Variants in PLB1 observed in about 807,000 individuals in gnomAD.
PLB1 encodes the protein phospholipase B1.
PLB1 carries 242 observed loss-of-function variants against 227.4 expected under a neutral mutation model. The ratio of observed to expected loss-of-function variants is 1.06; its 90% CI spans 0.96 to 1.18. The LOEUF (loss-of-function observed/expected upper bound fraction) is 1.18, where lower values mean the gene tolerates loss of function less well. Among genes scored for constraint, PLB1 ranks in the 50% most tolerant of loss-of-function variants. The pLI, the probability that PLB1 is intolerant of heterozygous loss-of-function variation, is 0.00. For missense variants in PLB1, 1,858 were observed against 1,816.3 expected (o/e 1.02, Z -0.42); for synonymous variants, 757 against 682.2 (o/e 1.11, Z -1.71).
At chr2:28,607,651 G>T (rs571108346) in intron 43 of PLB1, among the ~76,000 whole-genome samples, 1 of 152,278 alleles carries the variant, frequency 6.6e-6, no homozygotes, top group South Asian at 2.1e-4. Flanking sequence ...CTGGCCAAAG[G>T]CCTGGAGCAA....
chr2:28,545,833 C>T (rs377173702), intron 14 of PLB1, among the ~76,000 whole-genome samples: 1 of 152,208 alleles, frequency 6.6e-6, no homozygotes, highest in East Asian at 1.9e-4. Flanking sequence ...TGAGGGCTGC[C>T]CTCTGTGTGG....
In PLB1 at chr2:28,591,755, C is replaced by T; in HGVS notation, c.2183C>T (p.Thr728Ile). The T allele has an allele frequency of 6.2e-7, 1 of 1,613,866 alleles. No individual in the cohort carries two copies. The highest frequency in any genetic ancestry group is 2.2e-5 in the East Asian group (1 of 44,878). Residue 728 changes from threonine (T) to isoleucine (I), a missense_variant, in exon 31 of 58, where the codon ACC (threonine) becomes ATC (isoleucine). Thr to Ile is a moderately conservative substitution (Grantham distance 89, BLOSUM62 -1). Transcript: ENST00000327757. ...RDRAPSALHP[T>I]SVHALRPADI... ...AGAGCCCCTTCTGCCTTGCACCCTA[C>T]CTCAGGTAAGCCCCCTATGGCACAG...
chr2:28,626,348 G>A lies in PLB1; in HGVS notation c.3580-80G>A, dbSNP rs1687768428. ...ATAAATAAGACAAAAGGCACTTGGA[G>A]GGCGGGCGGGCTGGCCCAGTAGCAA... is the stretch of plus-strand genomic sequence containing the variant. On this transcript the variant is annotated intron_variant, in intron 50 of 57. Coordinates refer to ENST00000327757, the MANE Select transcript of PLB1 (RefSeq NM_153021.5). 6.7e-6 allele frequency: 8 copies of A among 1,188,584 alleles called. No individual in the cohort carries two copies. In the Admixed American group the frequency reaches 1.0e-4, roughly 15 times the overall value. The allele number at this position is 1,188,584 out of a possible 1,614,324, so 73.6% of individuals were successfully genotyped here. A position where few individuals can be genotyped will look rare whatever the true frequency, so the allele number is the denominator to read the frequency against.
chr2:28,518,664 C>T, intron 3 of PLB1, 132 bp downstream of exon 3: 1 of 637,680 alleles, frequency 1.6e-6, no homozygotes, highest in Middle Eastern at 2.6e-4. Context: ...CTCAGTCCCT[C>T]AGTGTGACAG....
At position 28,602,802 on chromosome 2, in the gene PLB1, T is replaced by C. The variant is rs749275998; in HGVS notation, c.2674-19T>C. ...AGAAGTGCCTGGAGCCCCCCTCTCA[T>C]CTGCAGCTTTTCCCTTAGGTGCCCA... On this transcript the variant is annotated intron_variant, in intron 38 of 57. Transcript: ENST00000327757. 10 of 1,609,398 alleles carry C rather than the reference T, an allele frequency of 6.2e-6. No homozygotes were observed. The highest frequency in any genetic ancestry group is 2.2e-5 in the East Asian group (1 of 44,866).
At chr2:28,500,551 A>G (rs750985590) in intron 1 of PLB1, among the ~76,000 whole-genome samples, 27 of 151,972 alleles carry the variant, frequency 1.8e-4, no homozygotes, top group Non-Finnish European at 2.9e-4. Flanking sequence ...TCCTTCTGCT[A>G]TTGTCAGTTG....
chr2:28,617,857 C>A, intron 45 of PLB1, 70 bp downstream of exon 45: 1 of 1,429,178 alleles, frequency 7.0e-7, no homozygotes. Flanking sequence ...GGAGACCCTG[C>A]AAACATACCC....
At chr2:28,512,639 T>C (rs1291747898) in intron 1 of PLB1, among the ~76,000 whole-genome samples, 1 of 152,210 alleles carries the variant, frequency 6.6e-6, no homozygotes, top group East Asian at 1.9e-4. Flanking sequence ...TCTCTCTAAT[T>C]GTGTGCAGCT....
intron 51 of PLB1, 92 bp downstream of exon 51, chr2:28,626,600 G>A (rs1687825871): frequency 1.6e-6 from 1 of 641,146 alleles, no homozygotes; most frequent in African/African-American, 2.4e-5. Context: ...CCTGCCCCGA[G>A]CTCCTTGCTC....
At chr2:28,601,461 T>C in intron 37 of PLB1, 129 bp downstream of exon 37, 2 of 673,812 alleles carry the variant, frequency 3.0e-6, no homozygotes, top group East Asian at 5.5e-5. Context: ...TCTGCACATA[T>C]ACACATACCA....
chr2:28,547,104 G>A (rs1375937189), intron 14 of PLB1, among the ~76,000 whole-genome samples: 3 of 151,860 alleles, frequency 2.0e-5, no homozygotes, highest in African/African-American at 7.3e-5. Context: ...GGGAAGCTGA[G>A]GTGGGAGAAT....
At chr2:28,585,679 G>A in intron 25 of PLB1, 82 bp from the exon 26 acceptor site, 1 of 1,153,202 alleles carries the variant, frequency 8.7e-7, no homozygotes, top group South Asian at 1.2e-5. Context: ...AATGTATTGA[G>A]TCTCAAGCCA....
chr2:28,520,115 A>C (rs1202093677), intron 4 of PLB1, among the ~76,000 whole-genome samples: 1 of 151,634 alleles, frequency 6.6e-6, no homozygotes, highest in Non-Finnish European at 1.5e-5. Flanking sequence ...TTTAGTAGAG[A>C]CAGAGTTTCT....
chr2:28,516,920 G>A, intron 2 of PLB1, 51 bp downstream of exon 2: 1 of 1,575,212 alleles, frequency 6.3e-7, no homozygotes, highest in Non-Finnish European at 8.7e-7. Flanking sequence ...GGAGAGGGAG[G>A]ATTTTCCTTG....
intron 46 of PLB1, 106 bp from the exon 47 acceptor site, chr2:28,620,159 A>C: frequency 2.9e-6 from 2 of 687,512 alleles, no homozygotes; most frequent in Non-Finnish European, 4.7e-6. Flanking sequence ...TACTATTTTT[A>C]GAAAAGGCAA....
At chr2:28,499,612 G>A (rs940779642) in intron 1 of PLB1, among the ~76,000 whole-genome samples, 40 of 151,654 alleles carry the variant, frequency 2.6e-4, no homozygotes, top group Middle Eastern at 3.4e-3. Context: ...TAAGCTGGAC[G>A]TGGTGGCTCA....
rs1385677057 is a variant in PLB1 at position 28,593,669 on chromosome 2, A to G, written c.2248-12A>G. The G allele has an allele frequency of 3.1e-6, 5 of 1,613,348 alleles. No individual in the cohort carries two copies. The highest frequency in any genetic ancestry group is 3.3e-5 in the Admixed American group (2 of 59,988). On this transcript the variant is annotated splice_polypyrimidine_tract_variant and intron_variant, in intron 32 of 57. Coordinates refer to ENST00000327757, the MANE Select transcript of PLB1 (RefSeq NM_153021.5). Reference sequence around the variant, plus strand: ...TGCTAATTTTCCTATGGACTCTGGTATATTTTCAAAGGCTGGCAATGGAAT... The same window carrying G: ...TGCTAATTTTCCTATGGACTCTGGTGTATTTTCAAAGGCTGGCAATGGAAT...
chr2:28,520,100 G>A (rs1177519296), intron 4 of PLB1, among the ~76,000 whole-genome samples: 1 of 151,682 alleles, frequency 6.6e-6, no homozygotes, highest in Non-Finnish European at 1.5e-5. Flanking sequence ...GGCTAGTTTT[G>A]TATTTTTAGT....
At position 28,589,398 on chromosome 2, in the gene PLB1, C is replaced by G. The variant is rs998565406; in HGVS notation, c.1816-52C>G. Reference sequence around the variant, plus strand: ...TTGGAGAAAGAGATCAATCAAGGACCGAGCAGATGCAGAGAGGACTGCCTG... The same window carrying G: ...TTGGAGAAAGAGATCAATCAAGGACGGAGCAGATGCAGAGAGGACTGCCTG... On this transcript the variant is annotated intron_variant, in intron 26 of 57. Transcript: ENST00000327757. The G allele has an allele frequency of 4.4e-5, 59 of 1,350,694 alleles. 1 individual carries two copies. The South Asian group carries it at 6.8e-4, about 16-fold the overall frequency. The allele number at this position is 1,350,694 out of a possible 1,614,324, so 83.7% of individuals were successfully genotyped here.
Sources: allele counts gnomAD v4.1 joint callset (sites outside exome capture counted in the v4.1 genomes callset), GRCh38; gene constraint gnomAD v4.1.1; transcripts MANE v1.5; gene names NCBI Gene and HGNC (gene_info 2026-07-23, HGNC 2026-07-21).